PDE4B: variants seen among roughly 807,000 people sequenced by gnomAD.
PDE4B encodes phosphodiesterase 4B.
In PDE4B, 20 loss-of-function variants were observed where a neutral mutation model predicts 82.2. That is an observed-to-expected ratio of 0.24 (90% confidence interval 0.17 to 0.35). The LOEUF is 0.35. PDE4B is among the 10% of genes least tolerant of loss of function. PDE4B has a pLI of 1.00. For synonymous variants in PDE4B, 320 were observed against 318.9 expected (o/e 1.00, Z -0.04); for missense variants, 655 against 907.2 (o/e 0.72, Z 3.57).
chr1:66,140,234 A>G (rs1332660898), intron 3 of PDE4B, among the ~76,000 whole-genome samples: 1 of 152,180 alleles, frequency 6.6e-6, no homozygotes, highest in African/African-American at 2.4e-5. Context: ...ACTGCCACTC[A>G]CTTCCTGTGT....
At chr1:66,109,817 T>C (rs914971205) in intron 3 of PDE4B, among the ~76,000 whole-genome samples, 48 of 151,934 alleles carry the variant, frequency 3.2e-4, no homozygotes, top group African/African-American at 1.1e-3. Flanking sequence ...TTGTGCTCAA[T>C]AGGTTATTTT....
At chr1:65,919,726 A>AT (rs1647203891) in intron 3 of PDE4B, among the ~76,000 whole-genome samples, 1 of 149,920 alleles carries the variant, frequency 6.7e-6, no homozygotes, top group Non-Finnish European at 1.5e-5. Context: ...AAAATCTATT[A>AT]TTTTTATGGT....
intron 3 of PDE4B, among the ~76,000 whole-genome samples, chr1:66,029,070 A>T (rs1368436395): frequency 6.6e-6 from 1 of 152,216 alleles, no homozygotes; most frequent in Non-Finnish European, 1.5e-5. Context: ...GCTTATAAAG[A>T]CATAACCAAG....
At chr1:65,831,130 G>C (rs899761900) in intron 1 of PDE4B, among the ~76,000 whole-genome samples, 1 of 151,852 alleles carries the variant, frequency 6.6e-6, no homozygotes. Context: ...AGAGAAAGAA[G>C]CTTAGAGAAA....
intron 3 of PDE4B, among the ~76,000 whole-genome samples, chr1:66,141,845 A>G (rs988587405): frequency 7.9e-5 from 12 of 152,094 alleles, no homozygotes; most frequent in Non-Finnish European, 1.2e-4. Context: ...TATCATGAAA[A>G]CAGCAAGGGA....
intron 8 of PDE4B, among the ~76,000 whole-genome samples, chr1:66,353,660 A>G (rs1335946916): frequency 6.6e-6 from 1 of 152,118 alleles, no homozygotes; most frequent in Non-Finnish European, 1.5e-5. Context: ...GTAAAGCTCT[A>G]GTGTTTCCCC....
intron 1 of PDE4B, among the ~76,000 whole-genome samples, chr1:65,816,519 A>T (rs891822287): frequency 6.6e-6 from 1 of 152,170 alleles, no homozygotes; most frequent in African/African-American, 2.4e-5. Flanking sequence ...TTGTATCAAT[A>T]ACCATAAAAT....
chr1:65,922,687 G>A (rs1647291033), intron 3 of PDE4B, among the ~76,000 whole-genome samples: 1 of 152,044 alleles, frequency 6.6e-6, no homozygotes, highest in Admixed American at 6.6e-5. Flanking sequence ...GTAGAGGGAA[G>A]GATTGAACTG....
At chr1:66,332,672 G>A (rs1386096621) in intron 8 of PDE4B, 52 bp downstream of exon 8, 11 of 1,496,754 alleles carry the variant, frequency 7.3e-6, no homozygotes, top group Non-Finnish European at 1.0e-5. Flanking sequence ...GGGAGCTCCA[G>A]CTCCCCTCAC....
At chr1:66,225,658 G>C (rs1333442900) in intron 3 of PDE4B, among the ~76,000 whole-genome samples, 1 of 152,102 alleles carries the variant, frequency 6.6e-6, no homozygotes, top group African/African-American at 2.4e-5. Flanking sequence ...TGAATACCTG[G>C]GCCCAGTAAC....
chr1:66,072,085 C>A (rs1656183693), intron 3 of PDE4B, among the ~76,000 whole-genome samples: 1 of 152,020 alleles, frequency 6.6e-6, no homozygotes, highest in Admixed American at 6.6e-5. Flanking sequence ...CCCTAAGCCA[C>A]CACACGTACA....
At chr1:65,851,190 C>A (rs890496639) in intron 1 of PDE4B, among the ~76,000 whole-genome samples, 2 of 152,154 alleles carry the variant, frequency 1.3e-5, no homozygotes, top group African/African-American at 4.8e-5. Context: ...TATCCTTATG[C>A]CAGTACCATA....
intron 3 of PDE4B, among the ~76,000 whole-genome samples, chr1:66,051,765 C>T (rs775131684): frequency 6.6e-5 from 10 of 151,956 alleles, no homozygotes; most frequent in South Asian, 6.2e-4. Context: ...GAAGATATAA[C>T]GTTTTTCTAT....
intron 3 of PDE4B, among the ~76,000 whole-genome samples, chr1:66,033,476 C>G (rs1021463162): frequency 6.6e-6 from 1 of 152,130 alleles, no homozygotes; most frequent in Non-Finnish European, 1.5e-5. Flanking sequence ...GAGACGGTGG[C>G]GCTTTATTCA....
intron 3 of PDE4B, among the ~76,000 whole-genome samples, chr1:66,217,907 C>G (rs1428628993): frequency 6.6e-6 from 1 of 152,072 alleles, no homozygotes; most frequent in African/African-American, 2.4e-5. Flanking sequence ...AGAACTTTTA[C>G]TGGCTGGTGA....
intron 3 of PDE4B, among the ~76,000 whole-genome samples, chr1:66,035,439 C>CTATA (rs961212725): frequency 6.6e-6 from 1 of 152,150 alleles, no homozygotes; most frequent in African/African-American, 2.4e-5. Flanking sequence ...TCCTATCTAA[C>CTATA]TATAACTTTG....
At chr1:65,836,870 C>A (rs1235248077) in intron 1 of PDE4B, among the ~76,000 whole-genome samples, 4 of 152,180 alleles carry the variant, frequency 2.6e-5, no homozygotes, top group Admixed American at 6.5e-5. Context: ...ATTCTCCATT[C>A]TTCCTTCCTA....
intron 7 of PDE4B, among the ~76,000 whole-genome samples, chr1:66,318,818 T>A (rs1659194377): frequency 6.6e-6 from 1 of 152,244 alleles, no homozygotes; most frequent in Non-Finnish European, 1.5e-5. Flanking sequence ...AAATTCAGCA[T>A]GTATGTTACA....
At chr1:66,259,987 A>G (rs901221409) in intron 6 of PDE4B, among the ~76,000 whole-genome samples, 1 of 152,170 alleles carries the variant, frequency 6.6e-6, no homozygotes, top group African/African-American at 2.4e-5. Flanking sequence ...TGAGGATTAA[A>G]TGAATTGATA....
Sources: allele counts gnomAD v4.1 joint callset (sites outside exome capture counted in the v4.1 genomes callset), GRCh38; gene constraint gnomAD v4.1.1; transcripts MANE v1.5; gene names NCBI Gene and HGNC (gene_info 2026-07-23, HGNC 2026-07-21).